Variants in OPCML observed in about 807,000 individuals in gnomAD.
OPCML encodes opioid binding protein/cell adhesion molecule like.
Under a neutral mutation model 37.8 loss-of-function variants are expected in OPCML, and 13 were observed. That is an observed-to-expected ratio of 0.34 (90% CI 0.22 to 0.55). OPCML has a LOEUF of 0.55. OPCML is among the 20% of genes least tolerant of loss of function. OPCML has a pLI of 0.91. For missense variants in OPCML, 341 were observed against 435.6 expected (o/e 0.78, Z 1.93); for synonymous variants, 176 against 168.8 (o/e 1.04, Z -0.33).
chr11:132,507,531 C>T (rs2096259828), intron 4 of OPCML, among the ~76,000 whole-genome samples: 1 of 151,684 alleles, frequency 6.6e-6, no homozygotes, highest in Admixed American at 6.6e-5. Context: ...GAACAGTTAT[C>T]AAAATTGAAC....
chr11:132,453,276 T>A (rs2096073206), intron 4 of OPCML, among the ~76,000 whole-genome samples: 2 of 152,186 alleles, frequency 1.3e-5, no homozygotes, highest in South Asian at 4.1e-4. Flanking sequence ...CTGTACTACA[T>A]TGCACAGGAC....
chr11:132,551,378 G>C (rs1359694150), intron 3 of OPCML, among the ~76,000 whole-genome samples: 1 of 151,782 alleles, frequency 6.6e-6, no homozygotes, highest in Admixed American at 6.6e-5. Flanking sequence ...ACTTGGGGAG[G>C]GGCTTAGTTT....
At chr11:132,892,508 C>T (rs1425212257) in intron 2 of OPCML, among the ~76,000 whole-genome samples, 1 of 152,188 alleles carries the variant, frequency 6.6e-6, no homozygotes, top group Non-Finnish European at 1.5e-5. Context: ...GTGGCTCACG[C>T]CTGTAATCCT....
At chr11:132,906,214 TTCTG>T in intron 2 of OPCML, among the ~76,000 whole-genome samples, 1 of 152,240 alleles carries the variant, frequency 6.6e-6, no homozygotes, top group East Asian at 1.9e-4. Context: ...CAAAGGAATA[TTCTG>T]TCTGTGTAGC....
At chr11:133,013,361 C>T (rs1947258417) in intron 1 of OPCML, among the ~76,000 whole-genome samples, 1 of 152,120 alleles carries the variant, frequency 6.6e-6, no homozygotes, top group Admixed American at 6.5e-5. Context: ...TGCACATATC[C>T]AATTTATGCC....
chr11:133,109,650 C>T (rs1475648019), intron 1 of OPCML, among the ~76,000 whole-genome samples: 3 of 152,202 alleles, frequency 2.0e-5, no homozygotes, highest in African/African-American at 2.4e-5. Flanking sequence ...GGAAGTCCAG[C>T]TGGCTTCACC....
chr11:132,459,976 T>C (rs1018572645), intron 4 of OPCML, among the ~76,000 whole-genome samples: 2 of 152,196 alleles, frequency 1.3e-5, no homozygotes, highest in African/African-American at 2.4e-5. Context: ...GTGTGAATAA[T>C]GTTGAGTTAT....
intron 1 of OPCML, among the ~76,000 whole-genome samples, chr11:133,192,059 C>T (rs1232422883): frequency 1.3e-5 from 2 of 152,156 alleles, no homozygotes; most frequent in African/African-American, 4.8e-5. Context: ...AACAATGAGA[C>T]TTCATTGTGC....
At chr11:133,268,847 G>A in intron 1 of OPCML, among the ~76,000 whole-genome samples, 1 of 152,212 alleles carries the variant, frequency 6.6e-6, no homozygotes, top group East Asian at 1.9e-4. Context: ...AAGTGAAACT[G>A]CTAAGTAATG....
At chr11:132,478,362 C>T (rs1341571995) in intron 4 of OPCML, among the ~76,000 whole-genome samples, 1 of 152,128 alleles carries the variant, frequency 6.6e-6, no homozygotes, top group Non-Finnish European at 1.5e-5. Context: ...GAGTGGCTGG[C>T]ACACAGTAGG....
At chr11:132,437,400 TG>T in intron 4 of OPCML, 41 bp from the exon 5 acceptor site, 1 of 1,607,164 alleles carries the variant, frequency 6.2e-7, no homozygotes, top group Non-Finnish European at 8.5e-7. Flanking sequence ...CAGGAAACTG[TG>T]TAACCAGGGA....
intron 3 of OPCML, among the ~76,000 whole-genome samples, chr11:132,555,424 G>T (rs535016293): frequency 6.6e-6 from 1 of 152,092 alleles, no homozygotes; most frequent in South Asian, 2.1e-4. Flanking sequence ...GATCCCATGA[G>T]ACTTATTCAC....
chr11:133,081,427 G>A (rs1278040801), intron 1 of OPCML, among the ~76,000 whole-genome samples: 1 of 152,210 alleles, frequency 6.6e-6, no homozygotes, highest in East Asian at 1.9e-4. Flanking sequence ...GTAACCCAGT[G>A]TGTGCTACAA....
chr11:133,430,749 C>T (rs975359366), intron 1 of OPCML, among the ~76,000 whole-genome samples: 1 of 152,302 alleles, frequency 6.6e-6, no homozygotes, highest in African/African-American at 2.4e-5. Flanking sequence ...ATGTGAGAAA[C>T]ATTCAAACAC....
At chr11:133,409,078 G>A (rs1341169330) in intron 1 of OPCML, among the ~76,000 whole-genome samples, 1 of 152,192 alleles carries the variant, frequency 6.6e-6, no homozygotes, top group East Asian at 1.9e-4. Context: ...AGGCAGCTGT[G>A]AGGGGGACGA....
intron 1 of OPCML, among the ~76,000 whole-genome samples, chr11:132,960,592 C>G (rs367889173): frequency 6.6e-6 from 1 of 152,196 alleles, no homozygotes; most frequent in African/African-American, 2.4e-5. Flanking sequence ...CTCCCTCCCC[C>G]TCTCCATCTG....
intron 1 of OPCML, among the ~76,000 whole-genome samples, chr11:133,058,474 C>T (rs560781207): frequency 7.9e-5 from 12 of 152,118 alleles, no homozygotes; most frequent in Non-Finnish European, 4.4e-5. Flanking sequence ...ATAAATGGGG[C>T]GGGCAGGTGT....
rs541759173 is a variant in OPCML at position 133,211,153 on chromosome 11, G to C, written c.62-268143C>G. Among the ~76,000 whole-genome samples, 3 of 152,248 alleles carry C rather than the reference G, an allele frequency of 2.0e-5. No homozygotes were observed. In the South Asian group the frequency reaches 6.2e-4, roughly 32 times the overall value. On this transcript the variant is annotated intron_variant, in intron 1 of 7. Coordinates refer to ENST00000524381, the MANE Select transcript of OPCML (RefSeq NM_001012393.5). This position sits in a 1 kb window ranked among gnomAD's most constrained non-coding sequence, Gnocchi z 4.1. Reference sequence around the variant, plus strand: ...TCGTGATTGATGAGCCTGCCAGAAGGAATCAAATATTTCTGCAAATTCTGA... The same window carrying C: ...TCGTGATTGATGAGCCTGCCAGAAGCAATCAAATATTTCTGCAAATTCTGA...
chr11:133,047,801 T>C (rs1948049992), intron 1 of OPCML, among the ~76,000 whole-genome samples: 1 of 152,248 alleles, frequency 6.6e-6, no homozygotes, highest in Non-Finnish European at 1.5e-5. Context: ...AGAAGACAGA[T>C]AACAGAGTTG....
Sources: allele counts gnomAD v4.1 joint callset (sites outside exome capture counted in the v4.1 genomes callset), GRCh38; gene constraint gnomAD v4.1.1; non-coding constraint Gnocchi (gnomAD v3.1); transcripts MANE v1.5; gene names NCBI Gene and HGNC (gene_info 2026-07-23, HGNC 2026-07-21).